The following RYR2 variants were observed in gnomAD, a reference collection of about 807,000 sequenced individuals.
RYR2 encodes ryanodine receptor 2.
A neutral mutation model predicts 601.1 loss-of-function variants in RYR2; 227 were observed. The ratio of observed to expected loss-of-function variants is 0.38; its 90% CI spans 0.34 to 0.42. The LOEUF (loss-of-function observed/expected upper bound fraction) is 0.42. Among genes scored for constraint, RYR2 ranks in the 10% least tolerant of loss-of-function variants. The pLI is 1.00. For missense variants in RYR2, 4,646 were observed against 6,156.5 expected (o/e 0.75, Z 8.21); for synonymous variants, 2,223 against 2,175.1 (o/e 1.02, Z -0.61).
At chr1:237,792,485 C>A (rs1399608981) in intron 94 of RYR2, among the ~76,000 whole-genome samples, 162 bp downstream of exon 94, 1 of 150,288 alleles carries the variant, frequency 6.7e-6, no homozygotes, top group East Asian at 2.0e-4. Context: ...CACAAAGTTT[C>A]TGAGGGAATG....
chr1:237,798,801 C>CACACACACACACACACACACATAT (rs3835529), intron 97 of RYR2, among the ~76,000 whole-genome samples: 2 of 148,306 alleles, frequency 1.3e-5, no homozygotes, highest in African/African-American at 5.2e-5. Context: ...CACACACACA[C>CACACACACACACACACACACATAT]ATATAGTGTG....
Position 237,617,490 on chromosome 1 carries a change from C to T in RYR2, c.5916+4C>T, listed in dbSNP as rs1213909590. On this transcript the variant is annotated splice_donor_region_variant and intron_variant, in intron 38 of 104. Transcript: ENST00000366574. The stretch of plus-strand genomic sequence containing the variant: ...TAGATCACCACCTCAAGAACAGGTA[C>T]AGAAATGAAATGAAAATTCTTCGTA... The T allele has an allele frequency of 6.2e-7, 1 of 1,609,860 alleles. No individual in the cohort carries two copies. The highest frequency in any genetic ancestry group is 8.5e-7 in the Non-Finnish European group (1 of 1,177,132).
chr1:237,796,413 G>C (rs527946971), intron 96 of RYR2, among the ~76,000 whole-genome samples: 1 of 152,086 alleles, frequency 6.6e-6, no homozygotes, highest in East Asian at 1.9e-4. Context: ...ACACAGTCCC[G>C]AGAGAATCCC....
In RYR2 at chr1:237,241,310, G is replaced by A. The variant is rs544715914; in HGVS notation, c.49-29187G>A. ...TGATAAAACGTGTCTTAGAATTAAC[G>A]AAATGTAATATATCTCTAGAGCTAA... On this transcript the variant is annotated intron_variant, in intron 1 of 104. Coordinates refer to ENST00000366574, the MANE Select transcript of RYR2 (RefSeq NM_001035.3). 6.6e-5 allele frequency among the ~76,000 whole-genome samples: 10 copies of A among 152,278 alleles called. No individual in the cohort carries two copies. The East Asian group carries it at 1.9e-3, about 29-fold the overall frequency.
At chr1:237,123,313 G>A (rs1044513922) in intron 1 of RYR2, among the ~76,000 whole-genome samples, 2 of 152,142 alleles carry the variant, frequency 1.3e-5, no homozygotes, top group Non-Finnish European at 2.9e-5. Context: ...AGAGCTGAGT[G>A]CTGTGGCTCA....
At chr1:237,813,813 T>G (rs1239244866) in intron 100 of RYR2, among the ~76,000 whole-genome samples, 1 of 152,206 alleles carries the variant, frequency 6.6e-6, no homozygotes, top group Non-Finnish European at 1.5e-5. Flanking sequence ...CCAGCTCTGT[T>G]GTAGGTTTTT....
At chr1:237,191,456 A>G (rs1346034893) in intron 1 of RYR2, among the ~76,000 whole-genome samples, 3 of 150,914 alleles carry the variant, frequency 2.0e-5, no homozygotes, top group Non-Finnish European at 4.4e-5. Context: ...AATATCATTG[A>G]AATTTTGATA....
intron 80 of RYR2, among the ~76,000 whole-genome samples, chr1:237,752,690 A>G (rs1692632342): frequency 6.6e-6 from 1 of 152,180 alleles, no homozygotes; most frequent in Non-Finnish European, 1.5e-5. Context: ...CCAAATTATT[A>G]GTACAATTTC....
chr1:237,651,641 A>G, intron 51 of RYR2, 140 bp downstream of exon 51: 1 of 590,954 alleles, frequency 1.7e-6, no homozygotes, highest in Non-Finnish European at 3.0e-6. Context: ...CATAGAAGTT[A>G]TAGGAATGTA....
chr1:237,640,797 T>C, intron 46 of RYR2, 100 bp from the exon 47 acceptor site: 1 of 886,574 alleles, frequency 1.1e-6, no homozygotes, highest in Non-Finnish European at 1.8e-6. Flanking sequence ...AGAAAAATAA[T>C]GTGTTACCTA....
chr1:237,325,875 A>G (rs1696124522), intron 2 of RYR2, among the ~76,000 whole-genome samples: 1 of 152,146 alleles, frequency 6.6e-6, no homozygotes, highest in Admixed American at 6.5e-5. Context: ...AAAAATATGA[A>G]ATAGTGTGCA....
chr1:237,593,892 A>T (rs939480079), intron 33 of RYR2, among the ~76,000 whole-genome samples: 1 of 152,224 alleles, frequency 6.6e-6, no homozygotes, highest in East Asian at 1.9e-4. Context: ...TTCAGGTAAC[A>T]TGACTAACAG....
intron 14 of RYR2, among the ~76,000 whole-genome samples, chr1:237,449,522 A>G (rs1407806724): frequency 1.3e-5 from 2 of 152,172 alleles, no homozygotes; most frequent in South Asian, 2.1e-4. Flanking sequence ...TTTAAATAAC[A>G]AAAACATCTA....
chr1:237,200,901 G>A (rs1001152472), intron 1 of RYR2, among the ~76,000 whole-genome samples: 10 of 152,174 alleles, frequency 6.6e-5, no homozygotes, highest in Admixed American at 5.2e-4. Flanking sequence ...TCAGTTGTTT[G>A]CTTAGGAGTC....
At chr1:237,292,186 G>A (rs1363351499) in intron 2 of RYR2, among the ~76,000 whole-genome samples, 1 of 152,186 alleles carries the variant, frequency 6.6e-6, no homozygotes, top group African/African-American at 2.4e-5. Context: ...TTCAAGCAAT[G>A]TTATACTGTA....
At chr1:237,208,986 G>GTATATATATATA (rs1325820873) in intron 1 of RYR2, among the ~76,000 whole-genome samples, 1 of 86,392 alleles carries the variant, frequency 1.2e-5, no homozygotes, top group Non-Finnish European at 2.2e-5. Flanking sequence ...ATATATATAT[G>GTATATATATATA]TATACTGTAA....
chr1:237,308,979 C>T (rs1413500354), intron 2 of RYR2, among the ~76,000 whole-genome samples: 4 of 152,236 alleles, frequency 2.6e-5, no homozygotes, highest in African/African-American at 9.6e-5. Flanking sequence ...TCTCCAAGTC[C>T]CCACTAGATT....
intron 10 of RYR2, among the ~76,000 whole-genome samples, chr1:237,396,367 G>T (rs1454002636): frequency 6.6e-6 from 1 of 152,206 alleles, no homozygotes. Flanking sequence ...ATAGGAATCT[G>T]AACGTTGATA....
At chr1:237,424,320 T>G (rs566624311) in intron 12 of RYR2, among the ~76,000 whole-genome samples, 1 of 152,332 alleles carries the variant, frequency 6.6e-6, no homozygotes, top group South Asian at 2.1e-4. Flanking sequence ...TGACTTTGTA[T>G]TTCTGCAATT....
Sources: allele counts gnomAD v4.1 joint callset (sites outside exome capture counted in the v4.1 genomes callset), GRCh38; gene constraint gnomAD v4.1.1; transcripts MANE v1.5; gene names NCBI Gene and HGNC (gene_info 2026-07-23, HGNC 2026-07-21).